Variants in DRD2 observed in about 807,000 individuals in gnomAD.
DRD2 encodes D(2) dopamine receptor.
DRD2 carries 8 observed loss-of-function variants against 38.0 expected under a neutral mutation model. The ratio of observed to expected loss-of-function variants is 0.21; its 90% CI spans 0.12 to 0.38. The LOEUF (loss-of-function observed/expected upper bound fraction) is 0.38. Among genes scored for constraint, DRD2 ranks in the 10% least tolerant of loss-of-function variants. DRD2 has a pLI of 1.00. For synonymous variants in DRD2, 230 were observed against 238.6 expected (o/e 0.96, Z 0.33); for missense variants, 403 against 607.7 (o/e 0.66, Z 3.54).
At chr11:113,456,596 C>T (rs1299262889) in intron 1 of DRD2, among the ~76,000 whole-genome samples, 3 of 152,198 alleles carry the variant, frequency 2.0e-5, no homozygotes, top group Non-Finnish European at 2.9e-5. Flanking sequence ...AATCCTGTCA[C>T]ATGCTACAAC....
chr11:113,471,441 C>T (rs894982620), intron 1 of DRD2, among the ~76,000 whole-genome samples: 1 of 152,156 alleles, frequency 6.6e-6, no homozygotes, highest in African/African-American at 2.4e-5. Flanking sequence ...ATCCCAAGGT[C>T]CTTCCAAGGC....
At chr11:113,469,313 G>A (rs1565681432) in intron 1 of DRD2, among the ~76,000 whole-genome samples, 1 of 152,124 alleles carries the variant, frequency 6.6e-6, no homozygotes, top group East Asian at 1.9e-4. Context: ...ATCCCAAGGA[G>A]TTATTTTATT....
intron 2 of DRD2, among the ~76,000 whole-genome samples, chr11:113,423,216 T>C (rs1950902788): frequency 6.6e-6 from 1 of 152,206 alleles, no homozygotes; most frequent in South Asian, 2.1e-4. Flanking sequence ...CCCTGTGACC[T>C]GGGTGAAGAA....
intron 1 of DRD2, among the ~76,000 whole-genome samples, chr11:113,457,545 A>G (rs549694568): frequency 1.3e-5 from 2 of 152,182 alleles, no homozygotes; most frequent in East Asian, 3.9e-4. Flanking sequence ...TGCCCCAGGA[A>G]CTGAGCTCCA....
intron 1 of DRD2, among the ~76,000 whole-genome samples, chr11:113,469,609 G>A (rs1365847482): frequency 2.0e-5 from 3 of 152,132 alleles, no homozygotes; most frequent in African/African-American, 7.2e-5. Context: ...TCTGAGGCAG[G>A]AGGATCGTTT....
intron 1 of DRD2, among the ~76,000 whole-genome samples, chr11:113,455,402 T>A (rs980885368): frequency 6.6e-6 from 1 of 152,084 alleles, no homozygotes; most frequent in Non-Finnish European, 1.5e-5. Context: ...GATTTGGCAA[T>A]TATTTTTTGC....
chr11:113,444,490 C>A lies in DRD2; in HGVS notation c.-31-19808G>T, dbSNP rs77862347. Among the ~76,000 whole-genome samples, 755 of 152,330 alleles carry A rather than the reference C, an allele frequency of 5.0e-3. 9 individuals are homozygous for A. The highest frequency in any genetic ancestry group is 0.017 in the African/African-American group (717 of 41,570). On this transcript the variant is annotated intron_variant, in intron 1 of 7. Transcript: ENST00000362072. ...TTTTGAAATCAGTCAATCCACCATA[C>A]TGAATATGAGGGCTTCTGCTGTACT...
rs572499913 is a variant in DRD2, at chr11:113,442,763, G to A, written c.-31-18081C>T. Among the ~76,000 whole-genome samples, 13 of 152,242 alleles carry A rather than the reference G, an allele frequency of 8.5e-5. 1 individual carries two copies. Among genetic ancestry groups the A allele is most frequent in the Admixed American group, 3.9e-4 (6 of 15,294 alleles). On this transcript the variant is annotated intron_variant, in intron 1 of 7. Transcript: ENST00000362072. Reference sequence around the variant, plus strand: ...CTAATCTCTTCAGCAACTGAGGTGCGTGTCACAGATTGAAACAAAACATTC... The same window carrying A: ...CTAATCTCTTCAGCAACTGAGGTGCATGTCACAGATTGAAACAAAACATTC...
chr11:113,415,345 A>T, intron 5 of DRD2, 76 bp downstream of exon 5: 1 of 1,520,412 alleles, frequency 6.6e-7, no homozygotes, highest in South Asian at 1.3e-5. Context: ...CCAAGCCCCC[A>T]CCTGAGCATA....
Position 113,416,994 on chromosome 11 carries a change from G to A in DRD2, c.401C>T (p.Thr134Ile), listed in dbSNP as rs370100350. The part of the protein sequence containing the change: ...NLCAISIDRY[T>I]AVAMPMLYNT... Reference sequence around the variant, plus strand: ...GTACAGCATGGGCATGGCCACAGCTGTGTACCTGCAAGGGCGGGGGACCCT... The same window carrying A: ...GTACAGCATGGGCATGGCCACAGCTATGTACCTGCAAGGGCGGGGGACCCT... The change falls in exon 4 of 8, where the codon ACA (threonine) becomes ATA (isoleucine). Residue 134 changes from threonine to isoleucine, a missense_variant. Physicochemically the swap from Thr to Ile is moderately conservative, Grantham distance 89 (BLOSUM62 -1). Transcript: ENST00000362072. 4 of 1,613,786 alleles carry A rather than the reference G, an allele frequency of 2.5e-6. No individual in the cohort carries two copies. The highest frequency in any genetic ancestry group is 3.4e-6 in the Non-Finnish European group (4 of 1,179,902).
Position 113,443,854 on chromosome 11 carries a change from G to A in DRD2, c.-31-19172C>T, listed in dbSNP as rs1181265331. 2.6e-5 allele frequency among the ~76,000 whole-genome samples: 4 copies of A among 152,252 alleles called. No homozygotes were observed. In the East Asian group the frequency reaches 7.7e-4, roughly 29 times the overall value. On this transcript the variant is annotated intron_variant, in intron 1 of 7. Coordinates refer to ENST00000362072, the MANE Select transcript of DRD2 (RefSeq NM_000795.4). ...CTAACTAGTTATCTAATATGCAAAT[G>A]AGATAACTGAAAATTCTTAAAATCT...
At chr11:113,434,186 G>T (rs1462271448) in intron 1 of DRD2, among the ~76,000 whole-genome samples, 1 of 152,226 alleles carries the variant, frequency 6.6e-6, no homozygotes, top group East Asian at 1.9e-4. Context: ...GTGTAATGAA[G>T]TCAGTATTTG....
intron 4 of DRD2, 31 bp downstream of exon 4, chr11:113,416,832 T>G: frequency 6.2e-7 from 1 of 1,610,890 alleles, no homozygotes; most frequent in Non-Finnish European, 8.5e-7. Context: ...CAGGGCCAGC[T>G]GAGCCTCAGG....
At chr11:113,425,993 A>G (rs1327596763) in intron 1 of DRD2, among the ~76,000 whole-genome samples, 5 of 152,030 alleles carry the variant, frequency 3.3e-5, no homozygotes, top group Non-Finnish European at 7.4e-5. Context: ...ACATGACCCT[A>G]TTGGACTGGT....
chr11:113,433,133 A>G (rs1328750011), intron 1 of DRD2, among the ~76,000 whole-genome samples: 1 of 152,064 alleles, frequency 6.6e-6, no homozygotes, highest in Non-Finnish European at 1.5e-5. Context: ...GGGGGAGGAG[A>G]AACAGAAAGG....
rs112073587 is a variant in DRD2, at chr11:113,425,028, C to T, written c.-31-346G>A. ...ACCAGGCTTGCTACCTTCTAGTCAT[C>T]GAAACAGAAATGGGTATTCATTCAT... On this transcript the variant is annotated intron_variant, in intron 1 of 7. Coordinates refer to ENST00000362072, the MANE Select transcript of DRD2 (RefSeq NM_000795.4). 9.6e-4 allele frequency: 291 copies of T among 302,572 alleles called. 2 individuals are homozygous for T. Among genetic ancestry groups the T allele is most frequent in the African/African-American group, 5.2e-3 (244 of 46,670 alleles). The allele number at this position is 302,572 out of a possible 1,614,324, so 18.7% of individuals were successfully genotyped here.
intron 1 of DRD2, among the ~76,000 whole-genome samples, chr11:113,452,471 C>CGT (rs1179170379): frequency 1.5e-5 from 1 of 67,670 alleles, no homozygotes; most frequent in Non-Finnish European, 3.5e-5. Context: ...TGTGTGTGTG[C>CGT]GCGCGCGCGC....
intron 1 of DRD2, among the ~76,000 whole-genome samples, chr11:113,472,552 C>A (rs1951439403): frequency 6.6e-6 from 1 of 152,160 alleles, no homozygotes. Context: ...GACTAACTAG[C>A]CCACAAGCAT....
chr11:113,467,814 G>T lies in DRD2; in HGVS notation c.-32+7262C>A, dbSNP rs142120938. 3.2e-4 allele frequency among the ~76,000 whole-genome samples: 49 copies of T among 152,248 alleles called. No individual in the cohort carries two copies. The East Asian group carries it at 8.7e-3, about 27-fold the overall frequency. On this transcript the variant is annotated intron_variant, in intron 1 of 7. Coordinates refer to ENST00000362072, the MANE Select transcript of DRD2 (RefSeq NM_000795.4). ...GAATTCAGCTGCACCTAAATCAAAG[G>T]GATGACAAGCAATTCAAACCCCTAT...
Sources: gnomAD v4.1 joint callset for allele counts (sites outside exome capture counted in the v4.1 genomes callset) on GRCh38, gnomAD v4.1.1 for gene constraint, MANE v1.5 for transcripts, NCBI Gene and HGNC (gene_info 2026-07-23, HGNC 2026-07-21) for gene names.